The following BAG2 variants were observed in gnomAD, a reference collection of about 807,000 sequenced individuals.
BAG2 encodes the protein BAG family molecular chaperone regulator 2.
In BAG2, 8 loss-of-function variants were observed where a neutral mutation model predicts 16.4. That is an observed-to-expected ratio of 0.49 (90% CI 0.29 to 0.88). The LOEUF (loss-of-function observed/expected upper bound fraction) is 0.88, where lower values mean the gene tolerates loss of function less well. Among genes scored for constraint, BAG2 ranks in the 40% least tolerant of loss-of-function variants. The probability of loss-of-function intolerance (pLI) is 0.09; values close to 1 mark genes in which losing one functional copy is unlikely to be tolerated. For missense variants in BAG2, 218 were observed against 248.9 expected (o/e 0.88, Z 0.84); for synonymous variants, 82 against 89.2 (o/e 0.92, Z 0.46).
Position 57,188,370 on chromosome 6 carries a change from G to C in BAG2, c.*4180G>C, listed in dbSNP as rs954579847. On this transcript the variant is annotated 3_prime_UTR_variant, in exon 3 of 3. Transcript: ENST00000370693. ...TCTCTTCAGTTCTTATTTAAAAAAA[G>C]ATAAAACTAGGTACATAAAATTATA... 2 of 151,988 alleles carry C rather than the reference G, an allele frequency of 1.3e-5. No individual in the cohort carries two copies. The highest frequency in any genetic ancestry group is 4.8e-5 in the African/African-American group (2 of 41,398). 9.4% of individuals were successfully genotyped at this position (151,988 alleles called of 1,614,324 possible).
At chr6:57,174,379 T>C in intron 1 of BAG2, 1 of 1,304,208 alleles carries the variant, frequency 7.7e-7, no homozygotes, top group Non-Finnish European at 1.0e-6. Context: ...CCAACTTGAA[T>C]TAATGCCTCA....
At position 57,184,264 on chromosome 6, in the gene BAG2, G is replaced by C. The variant is rs1764558014; in HGVS notation, c.*74G>C. ...AAAATACTATTTTAATTGATAACTA[G>C]TTCTTTGTTAGGTATAACCACTTAG... is the stretch of plus-strand genomic sequence containing the variant. On this transcript the variant is annotated 3_prime_UTR_variant, in exon 3 of 3. Transcript: ENST00000370693. 7.5e-7 allele frequency: 1 copy of C among 1,333,668 alleles called. No homozygotes were observed. The highest frequency in any genetic ancestry group is 1.5e-5 in the African/African-American group (1 of 66,732). 82.6% of individuals were successfully genotyped at this position (1,333,668 alleles called of 1,614,324 possible). A position where few individuals can be genotyped will look rare whatever the true frequency, so the allele number is the denominator to read the frequency against.
chr6:57,183,996 C>T lies in BAG2; in HGVS notation c.442C>T (p.His148Tyr). ...CAGTGCATGTTCATCTGAGGTGCCA[C>T]ATGGGCCAGTTGATCAGAAGTTTCA... ...LYSACSSEVP[H>Y]GPVDQKFQSI... The change falls in exon 3 of 3, where the codon CAT becomes TAT. Residue 148 changes from histidine to tyrosine, a missense_variant. Physicochemically the swap from His to Tyr is moderately conservative, Grantham distance 83. Transcript: ENST00000370693. 6.2e-7 allele frequency: 1 copy of T among 1,612,678 alleles called. No homozygotes were observed. The highest frequency in any genetic ancestry group is 8.5e-7 in the Non-Finnish European group (1 of 1,179,618).
In BAG2 at chr6:57,181,624, C is replaced by T. The variant is rs145296368; in HGVS notation, c.114-408C>T. ...CTGAGGCACGAGAATCACTTGAAAGCGGGAGGTGGAGGCTGCGGTGAGATT... is the reference window on the plus strand; with the variant it reads ...CTGAGGCACGAGAATCACTTGAAAGTGGGAGGTGGAGGCTGCGGTGAGATT... On this transcript the variant is annotated intron_variant, in intron 1 of 2. Coordinates refer to ENST00000370693, the MANE Select transcript of BAG2 (RefSeq NM_004282.4). 6.6e-3 allele frequency among the ~76,000 whole-genome samples: 1,011 copies of T among 152,048 alleles called. 11 individuals are homozygous for T. The highest frequency in any genetic ancestry group is 0.024 in the African/African-American group (977 of 41,472).
At chr6:57,176,982 A>G (rs1462174626) in intron 1 of BAG2, among the ~76,000 whole-genome samples, 4 of 152,220 alleles carry the variant, frequency 2.6e-5, no homozygotes, top group Non-Finnish European at 5.9e-5. Context: ...CTTTTACACC[A>G]AAATGTCTTG....
At chr6:57,182,501 T>G (rs1593195821) in intron 2 of BAG2, among the ~76,000 whole-genome samples, 3 of 122,564 alleles carry the variant, frequency 2.4e-5, no homozygotes, top group East Asian at 2.3e-4. Flanking sequence ...AGGAAGAGGG[T>G]GAGAGAGTGG....
chr6:57,178,876 C>T (rs1764360024), intron 1 of BAG2, among the ~76,000 whole-genome samples: 1 of 152,162 alleles, frequency 6.6e-6, no homozygotes, highest in South Asian at 2.1e-4. Context: ...CGTCATATGA[C>T]AGGCTTATTA....
chr6:57,184,112 G>A lies in BAG2; in HGVS notation c.558G>A (p.Lys186=). The change falls in exon 3 of 3, where the codon AAG becomes AAA. Residue 186 remains lysine, a synonymous_variant. Coordinates refer to ENST00000370693, the MANE Select transcript of BAG2 (RefSeq NM_004282.4). ...TTAGAAATATTGAAAACTCTGACAA[G>A]GCCATCAAGCTATTAGAGCATTCTA... ...TLLRNIENSD[K]AIKLLEHSKG... 5 of 1,603,136 alleles carry A rather than the reference G, an allele frequency of 3.1e-6. No individual in the cohort carries two copies. The highest frequency in any genetic ancestry group is 4.2e-6 in the Non-Finnish European group (5 of 1,177,224).
At chr6:57,178,783 A>G (rs1430098091) in intron 1 of BAG2, among the ~76,000 whole-genome samples, 1 of 147,198 alleles carries the variant, frequency 6.8e-6, no homozygotes. Context: ...GCCTTGTGGG[A>G]TGGGGGTGGG....
Position 57,188,353 on chromosome 6 carries a change from GTTC to G in BAG2, c.*4166_*4168del, listed in dbSNP as rs1764691422. 6.6e-6 allele frequency: 1 copy of G among 151,988 alleles called. No individual in the cohort carries two copies. The highest frequency in any genetic ancestry group is 1.5e-5 in the Non-Finnish European group (1 of 67,964). 9.4% of individuals were successfully genotyped at this position (151,988 alleles called of 1,614,324 possible). On this transcript the variant is annotated 3_prime_UTR_variant, in exon 3 of 3. Coordinates refer to ENST00000370693, the MANE Select transcript of BAG2 (RefSeq NM_004282.4). ...AATATGTAACAAAGCTCTCTCTTCAGTTCTTATTTAAAAAAAGATAAAACTAGG... is the reference window on the plus strand; with the variant it reads ...AATATGTAACAAAGCTCTCTCTTCAGTTATTTAAAAAAAGATAAAACTAGG...
intron 1 of BAG2, chr6:57,174,334 C>T: frequency 7.7e-7 from 1 of 1,304,140 alleles, no homozygotes; most frequent in Non-Finnish European, 1.0e-6. Context: ...GGTTGTTACT[C>T]CACTCCGCCT....
intron 2 of BAG2, 66 bp from the exon 3 acceptor site, chr6:57,183,712 T>G (rs1404233889): frequency 4.3e-6 from 6 of 1,384,732 alleles, no homozygotes; most frequent in Non-Finnish European, 5.8e-6. Context: ...AATAATAAAT[T>G]TAGTCACAAA....
chr6:57,183,900 AT>A lies in BAG2; in HGVS notation c.348del (p.Ile117LeufsTer19). The A allele has an allele frequency of 6.2e-7, 1 of 1,614,156 alleles. No homozygotes were observed. Among genetic ancestry groups the A allele is most frequent in the Non-Finnish European group, 8.5e-7 (1 of 1,180,030 alleles). ...AGAATCCCTAAAGCATGCCACAAGG[AT>A]TATTGATGAGGTGGTCAATAAGTTT... ...QQESLKHATR[I>X]IDEVVNKFLD... On this transcript the variant is annotated frameshift_variant, in exon 3 of 3. Coordinates refer to ENST00000370693, the MANE Select transcript of BAG2 (RefSeq NM_004282.4). LOFTEE classifies it high-confidence loss of function.
In BAG2 at chr6:57,188,466, A is replaced by G. The variant is rs1764697477; in HGVS notation, c.*4276A>G. 1 of 152,214 alleles carries G rather than the reference A, an allele frequency of 6.6e-6. No individual in the cohort carries two copies. The allele number at this position is 152,214 out of a possible 1,614,324, so 9.4% of individuals were successfully genotyped here. A position where few individuals can be genotyped will look rare whatever the true frequency, so the allele number is the denominator to read the frequency against. ...AGAAAGGTAACACGCTTTTAGCCAC[A>G]CAGCTAACATGAAAAAGAACTAACT... On this transcript the variant is annotated 3_prime_UTR_variant, in exon 3 of 3. Coordinates refer to ENST00000370693, the MANE Select transcript of BAG2 (RefSeq NM_004282.4).
Position 57,187,718 on chromosome 6 carries a change from A to C in BAG2, c.*3528A>C, listed in dbSNP as rs1425804280. On this transcript the variant is annotated 3_prime_UTR_variant, in exon 3 of 3. Transcript: ENST00000370693. ...TCTTCAGAAAAGGTCCAGTTTCCTA[A>C]AACTCACAGGTCCAAGGAGTACATG... The C allele has an allele frequency of 6.6e-6, 1 of 152,152 alleles. No individual in the cohort carries two copies. The highest frequency in any genetic ancestry group is 6.5e-5 in the Admixed American group (1 of 15,272). The allele number at this position is 152,152 out of a possible 1,614,324, so 9.4% of individuals were successfully genotyped here. A position where few individuals can be genotyped will look rare whatever the true frequency, so the allele number is the denominator to read the frequency against.
chr6:57,174,018 C>G (rs989694953), intron 1 of BAG2: 1 of 186,282 alleles, frequency 5.4e-6, no homozygotes, highest in Non-Finnish European at 1.1e-5. Context: ...GATTATTAAG[C>G]CCTACACCAG....
chr6:57,172,915 A>G lies in BAG2; in HGVS notation c.113+105A>G, dbSNP rs986596522. On this transcript the variant is annotated intron_variant, in intron 1 of 2. Coordinates refer to ENST00000370693, the MANE Select transcript of BAG2 (RefSeq NM_004282.4). ...TGTGGCGGGCCGGGGCCTGGGGCAC[A>G]GTGAGGCTGCGGCAACCGAAGTTGC... 31 of 1,021,610 alleles carry G rather than the reference A, an allele frequency of 3.0e-5. No individual in the cohort carries two copies. The African/African-American group carries it at 4.8e-4, about 16-fold the overall frequency. 63.3% of individuals were successfully genotyped at this position (1,021,610 alleles called of 1,614,324 possible).
At chr6:57,183,272 C>T (rs915225779) in intron 2 of BAG2, among the ~76,000 whole-genome samples, 4 of 152,198 alleles carry the variant, frequency 2.6e-5, no homozygotes. Flanking sequence ...AGACTTTAGA[C>T]CACTGTCCTG....
chr6:57,183,603 A>G (rs926391041), intron 2 of BAG2, among the ~76,000 whole-genome samples, 175 bp from the exon 3 acceptor site: 1 of 152,242 alleles, frequency 6.6e-6, no homozygotes, highest in African/African-American at 2.4e-5. Context: ...GTGGTATTCT[A>G]CAACCTCTTT....
Sources: allele counts gnomAD v4.1 joint callset (sites outside exome capture counted in the v4.1 genomes callset), GRCh38; gene constraint gnomAD v4.1.1; transcripts MANE v1.5; gene names NCBI Gene and HGNC (gene_info 2026-07-23, HGNC 2026-07-21).